The following ABCA8 variants were observed in gnomAD, a reference collection of about 807,000 sequenced individuals.
ABCA8 encodes the protein ABC-type organic anion transporter ABCA8.
A neutral mutation model predicts 192.3 loss-of-function variants in ABCA8; 177 were observed. The ratio of observed to expected loss-of-function variants is 0.92; its 90% confidence interval spans 0.81 to 1.04. The LOEUF is 1.04. Among genes scored for constraint, ABCA8 ranks in the 50% least tolerant of loss-of-function variants. ABCA8 has a pLI of 0.00. For missense variants in ABCA8, 1,915 were observed against 1,904.8 expected (o/e 1.01, Z -0.10); for synonymous variants, 642 against 690.2 (o/e 0.93, Z 1.09).
intron 19 of ABCA8, 36 bp downstream of exon 19, chr17:68,906,008 T>C (rs1299110343): frequency 1.3e-6 from 2 of 1,516,812 alleles, no homozygotes; most frequent in Non-Finnish European, 1.8e-6. Flanking sequence ...TTGAAATATG[T>C]GCTTTTACAT....
At chr17:68,921,805 T>A (rs1003524697) in intron 12 of ABCA8, among the ~76,000 whole-genome samples, 1 of 152,158 alleles carries the variant, frequency 6.6e-6, no homozygotes, top group African/African-American at 2.4e-5. Context: ...ATTTATTAAA[T>A]GGAAGAATAG....
Position 68,891,517 on chromosome 17 carries a change from A to C in ABCA8, c.3116T>G (p.Ile1039Ser), listed in dbSNP as rs748089606. 6.2e-7 allele frequency: 1 copy of C among 1,613,116 alleles called. No individual in the cohort carries two copies. The highest frequency in any genetic ancestry group is 8.5e-7 in the Non-Finnish European group (1 of 1,179,634). ...LVLTSSCPPYIAMSSIDDYKN... is the reference protein window; with the variant it reads ...LVLTSSCPPYSAMSSIDDYKN... ...ATAATCATCGATGCTGCTCATGGCA[A>C]TGTAAGGTGGGCAACTCGATGTTAA... Residue 1039 changes from isoleucine to serine, a missense_variant, in exon 24 of 40, where the codon ATT (isoleucine) becomes AGT (serine). By Grantham distance (142) the Ile-to-Ser change is moderately radical (BLOSUM62 -2). Coordinates refer to ENST00000586539, the MANE Select transcript of ABCA8 (RefSeq NM_001288985.2).
At position 68,917,438 on chromosome 17, in the gene ABCA8, A is replaced by T. The variant is rs1022672941; in HGVS notation, c.2061T>A (p.Phe687Leu). The T allele has an allele frequency of 1.2e-6, 2 of 1,609,430 alleles. No individual in the cohort carries two copies. Among genetic ancestry groups the T allele is most frequent in the African/African-American group, 1.3e-5 (1 of 74,738 alleles). Reference protein sequence around the residue: ...EADILADRKVFLSQGKLKCAG... With the variant: ...EADILADRKVLLSQGKLKCAG... ...CGCACTTTAGCTTCCCTTGGGAGAG[A>T]AATACTTTCCTGTCTGAAAAAGAAG... is the stretch of plus-strand genomic sequence containing the variant. Residue 687 changes from phenylalanine (F) to leucine (L), a missense_variant, in exon 17 of 40, where the codon TTT becomes TTA. By Grantham distance (22) the Phe-to-Leu change is conservative (BLOSUM62 0). Transcript: ENST00000586539.
chr17:68,876,364 A>T, intron 35 of ABCA8, 96 bp downstream of exon 35: 2 of 1,476,670 alleles, frequency 1.4e-6, no homozygotes, highest in East Asian at 2.3e-5. Flanking sequence ...TGTTCTCCAC[A>T]AAAGAGTTTA....
At chr17:68,886,463 A>G (rs2066463907) in intron 26 of ABCA8, among the ~76,000 whole-genome samples, 1 of 152,168 alleles carries the variant, frequency 6.6e-6, no homozygotes, top group Non-Finnish European at 1.5e-5. Context: ...TTCAGATTTC[A>G]TCTTTTAAAA....
rs201434277 is a variant in ABCA8 at position 68,894,246 on chromosome 17, A to G, written c.2963T>C (p.Ile988Thr). ...RLNCFPVLMD[I>T]VSNGLLGMVK... ...CATTCCAAGTAGCCCATTACTAACA[A>G]TGTCCATAAGAACTGGGAAGCAATT... is the stretch of plus-strand genomic sequence containing the variant. Residue 988 changes from isoleucine (I) to threonine (T), a missense_variant, in exon 23 of 40, where the codon ATT (isoleucine) becomes ACT (threonine). Coordinates refer to ENST00000586539, the MANE Select transcript of ABCA8 (RefSeq NM_001288985.2). 7 of 1,613,060 alleles carry G rather than the reference A, an allele frequency of 4.3e-6. No homozygotes were observed. The Admixed American group carries it at 5.0e-5, about 12-fold the overall frequency.
At chr17:68,905,917 C>A (rs1598233687) in intron 19 of ABCA8, 127 bp downstream of exon 19, 2 of 920,896 alleles carry the variant, frequency 2.2e-6, no homozygotes, top group Non-Finnish European at 3.1e-6. Flanking sequence ...GGATGCGTTT[C>A]ATTTTTACAC....
In ABCA8 at chr17:68,906,986, G is replaced by A. The variant is rs940864640; in HGVS notation, c.2278+754C>T. On this transcript the variant is annotated intron_variant, in intron 18 of 39. Coordinates refer to ENST00000586539, the MANE Select transcript of ABCA8 (RefSeq NM_001288985.2). ...AGCTCCTGCTTGGGCAAAAGGATAGGTTAAAAGCTTTTTGTCTTGACTAGA... is the reference window on the plus strand; with the variant it reads ...AGCTCCTGCTTGGGCAAAAGGATAGATTAAAAGCTTTTTGTCTTGACTAGA... Among the ~76,000 whole-genome samples the A allele has an allele frequency of 2.0e-5, 3 of 152,010 alleles. No homozygotes were observed. In the South Asian group the frequency reaches 6.2e-4, roughly 32 times the overall value.
At chr17:68,873,128 G>A (rs947254307) in intron 37 of ABCA8, among the ~76,000 whole-genome samples, 1 of 152,156 alleles carries the variant, frequency 6.6e-6, no homozygotes, top group Non-Finnish European at 1.5e-5. Context: ...CTTGCAAGCT[G>A]CGTTCATGGT....
chr17:68,932,088 C>T (rs4147971), intron 7 of ABCA8, 200 bp downstream of exon 7: 242,988 of 422,556 alleles, frequency 0.58, 72,573 homozygotes, highest in African/African-American at 0.8. Flanking sequence ...TCGGCACCTG[C>T]AGTCCCAGCT....
Position 68,930,799 on chromosome 17 carries a change from T to C in ABCA8, c.798-1097A>G, listed in dbSNP as rs113579132. ...CAAACAAGAGGTCAATATTGATGTA[T>C]AAGATGTTAATACTGGAAGGAACTC... On this transcript the variant is annotated intron_variant, in intron 7 of 39. Transcript: ENST00000586539. 5.2e-3 allele frequency among the ~76,000 whole-genome samples: 795 copies of C among 152,308 alleles called. 5 individuals carry two copies. The highest frequency in any genetic ancestry group is 5.4e-3 in the Non-Finnish European group (368 of 68,018).
intron 21 of ABCA8, 134 bp downstream of exon 21, chr17:68,902,579 A>T: frequency 1.5e-6 from 1 of 685,528 alleles, no homozygotes; most frequent in East Asian, 3.0e-5. Flanking sequence ...TGTATTTATT[A>T]TCTTTAAGTT....
At chr17:68,884,979 C>T in intron 27 of ABCA8, 1 of 625,350 alleles carries the variant, frequency 1.6e-6, no homozygotes, top group Non-Finnish European at 2.0e-6. Context: ...CTACCCCTTA[C>T]CCTTCCTTCC....
chr17:68,905,242 C>T (rs1223222118), intron 19 of ABCA8, among the ~76,000 whole-genome samples: 2 of 152,064 alleles, frequency 1.3e-5, no homozygotes, highest in South Asian at 4.2e-4. Context: ...ATACAAATTT[C>T]AAGACATATG....
At chr17:68,922,950 G>A (rs759841719) in intron 11 of ABCA8, among the ~76,000 whole-genome samples, 3 of 152,020 alleles carry the variant, frequency 2.0e-5, no homozygotes, top group Admixed American at 6.6e-5. Context: ...ATTTCATCTC[G>A]CATGTACAGT....
intron 37 of ABCA8, among the ~76,000 whole-genome samples, chr17:68,874,709 A>G (rs920277874): frequency 6.6e-6 from 1 of 152,194 alleles, no homozygotes; most frequent in African/African-American, 2.4e-5. Flanking sequence ...ATCATCTGCT[A>G]TAAATTCTAG....
chr17:68,876,613 A>C lies in ABCA8; in HGVS notation c.4275+15T>G, dbSNP rs747136372. On this transcript the variant is annotated intron_variant, in intron 34 of 39. Coordinates refer to ENST00000586539, the MANE Select transcript of ABCA8 (RefSeq NM_001288985.2). ...TCTATGGCACTTGCAGAGCAACACCAAGCCCTGCCCGTACCTTTCTCTTTA... is the reference window on the plus strand; with the variant it reads ...TCTATGGCACTTGCAGAGCAACACCCAGCCCTGCCCGTACCTTTCTCTTTA... 6.2e-7 allele frequency: 1 copy of C among 1,614,124 alleles called. No homozygotes were observed. The highest frequency in any genetic ancestry group is 1.1e-5 in the South Asian group (1 of 91,082).
chr17:68,868,292 A>G lies in ABCA8; in HGVS notation c.4767+9T>C, dbSNP rs1296520141. ...CCATGGATGATACGAATCCCTAAAA[A>G]TGACCCACCTGCTCCAGGGTAGACT... is the stretch of plus-strand genomic sequence containing the variant. On this transcript the variant is annotated intron_variant, in intron 39 of 39. Transcript: ENST00000586539. 1.2e-6 allele frequency: 2 copies of G among 1,613,368 alleles called. No individual in the cohort carries two copies. The highest frequency in any genetic ancestry group is 2.2e-5 in the East Asian group (1 of 44,880).
At position 68,933,172 on chromosome 17, in the gene ABCA8, A is replaced by G. The variant is rs762809079; in HGVS notation, c.566T>C (p.Ile189Thr). 12 of 1,607,988 alleles carry G rather than the reference A, an allele frequency of 7.5e-6. No individual in the cohort carries two copies. The East Asian group carries it at 2.2e-4, about 30-fold the overall frequency. The change falls in exon 6 of 40, where the codon ATA becomes ACA. Residue 189 changes from isoleucine to threonine, a missense_variant. Ile to Thr is a moderately conservative substitution (Grantham distance 89, BLOSUM62 -1). Coordinates refer to ENST00000586539, the MANE Select transcript of ABCA8 (RefSeq NM_001288985.2). The stretch of plus-strand genomic sequence containing the variant: ...CTTTGAACATTTTGTACTCACTTCT[A>G]TAATAGCAGCATTAATGGCAGCTTG... ...ALQAAINAAI[I>T]EITTNHSVME...
Sources: gnomAD v4.1 joint callset for allele counts (sites outside exome capture counted in the v4.1 genomes callset) on GRCh38, gnomAD v4.1.1 for gene constraint, MANE v1.5 for transcripts, NCBI Gene and HGNC (gene_info 2026-07-23, HGNC 2026-07-21) for gene names.